Variants in FAP observed in about 807,000 individuals in gnomAD.
The protein encoded by FAP is fibroblast activation protein alpha, also known as prolyl endopeptidase FAP.
Under a neutral mutation model 126.5 loss-of-function variants are expected in FAP, and 110 were observed. The ratio of observed to expected loss-of-function variants is 0.87; its 90% CI spans 0.74 to 1.02. The LOEUF is 1.02. FAP is among the 50% of genes least tolerant of loss of function. The probability of loss-of-function intolerance (pLI) is 0.00; values close to 1 mark genes in which losing one functional copy is unlikely to be tolerated. For synonymous variants in FAP, 334 were observed against 297.3 expected (o/e 1.12, Z -1.27); for missense variants, 919 against 909.2 (o/e 1.01, Z -0.14).
intron 21 of FAP, among the ~76,000 whole-genome samples, chr2:162,179,588 G>A (rs774291621): frequency 2.6e-5 from 4 of 151,984 alleles, no homozygotes; most frequent in Non-Finnish European, 4.4e-5. Flanking sequence ...TCCTATAAGA[G>A]AAATGCAAAG....
chr2:162,193,037 T>C (rs1688110266), intron 17 of FAP, among the ~76,000 whole-genome samples: 1 of 152,136 alleles, frequency 6.6e-6, no homozygotes, highest in Admixed American at 6.6e-5. Context: ...GACAAGGACA[T>C]CGTCTAACCC....
chr2:162,185,074 C>T lies in FAP; in HGVS notation c.1815-1606G>A, dbSNP rs6760725. 1.3e-3 allele frequency among the ~76,000 whole-genome samples: 201 copies of T among 152,262 alleles called. 1 individual carries two copies. Among genetic ancestry groups the T allele is most frequent in the African/African-American group, 4.6e-3 (191 of 41,566 alleles). ...GATAATCTTAGCACTTCCAGACCAA[C>T]GAGGCACTATAAAATTCACCTTCAA... On this transcript the variant is annotated intron_variant, in intron 20 of 25. Transcript: ENST00000188790.
At chr2:162,226,294 A>G (rs1689642743) in intron 3 of FAP, among the ~76,000 whole-genome samples, 1 of 152,136 alleles carries the variant, frequency 6.6e-6, no homozygotes, top group Non-Finnish European at 1.5e-5. Context: ...TGCATTTTCA[A>G]CTTTTCCTTC....
intron 2 of FAP, among the ~76,000 whole-genome samples, chr2:162,235,705 T>G (rs1193733670): frequency 4.6e-5 from 7 of 152,192 alleles, no homozygotes. Flanking sequence ...TAAAGCAGGC[T>G]GCCTGAGCCA....
Position 162,225,469 on chromosome 2 carries a change from T to C in FAP, c.285+14A>G, listed in dbSNP as rs757373606. Reference sequence around the variant, plus strand: ...CAAAGGTTTCTGAGGGGGAAGATGATGTTGGATACATACCATGGTTCTATT... The same window carrying C: ...CAAAGGTTTCTGAGGGGGAAGATGACGTTGGATACATACCATGGTTCTATT... On this transcript the variant is annotated intron_variant, in intron 4 of 25. Transcript: ENST00000188790. The C allele has an allele frequency of 6.3e-6, 10 of 1,592,364 alleles. No individual in the cohort carries two copies. The Admixed American group carries it at 1.8e-4, about 28-fold the overall frequency.
intron 6 of FAP, among the ~76,000 whole-genome samples, chr2:162,221,072 G>A (rs1689368878): frequency 6.6e-6 from 1 of 152,166 alleles, no homozygotes; most frequent in Non-Finnish European, 1.5e-5. Flanking sequence ...GTGCCTGCAT[G>A]AGACCTAGCA....
intron 19 of FAP, 141 bp from the exon 20 acceptor site, chr2:162,188,504 AG>A: frequency 1.3e-6 from 1 of 755,410 alleles, no homozygotes; most frequent in East Asian, 2.7e-5. Context: ...CTCAAAATCA[AG>A]AGGAGTCCAG....
intron 21 of FAP, among the ~76,000 whole-genome samples, chr2:162,181,998 C>A (rs1687709697): frequency 6.6e-6 from 1 of 152,176 alleles, no homozygotes; most frequent in South Asian, 2.1e-4. Flanking sequence ...GAGTCGACCT[C>A]ACAGTCATTA....
chr2:162,173,829 A>T, intron 22 of FAP, 42 bp from the exon 23 acceptor site: 1 of 1,238,306 alleles, frequency 8.1e-7, no homozygotes, highest in African/African-American at 1.5e-5. Flanking sequence ...CATGTGATGA[A>T]TGTCATTTCA....
intron 20 of FAP, among the ~76,000 whole-genome samples, chr2:162,185,271 C>T (rs925368031): frequency 7.9e-5 from 12 of 152,142 alleles, no homozygotes; most frequent in South Asian, 4.1e-4. Flanking sequence ...GGAATCATAG[C>T]GATCAATTAT....
At chr2:162,214,185 T>G in intron 10 of FAP, 112 bp from the exon 11 acceptor site, 1 of 871,290 alleles carries the variant, frequency 1.1e-6, no homozygotes, top group Non-Finnish European at 1.6e-6. Flanking sequence ...CATTACTTAT[T>G]TAATAGGTAA....
chr2:162,179,787 T>A (rs9750135), intron 21 of FAP, among the ~76,000 whole-genome samples: 1,087 of 56,858 alleles, frequency 0.019, 17 homozygotes, highest in African/African-American at 0.05. Context: ...TCTATCTATC[T>A]ATCTATATAT....
In FAP at chr2:162,209,982, T is replaced by C; in HGVS notation, c.1017A>G (p.Ile339Met). The C allele has an allele frequency of 6.2e-7, 1 of 1,613,016 alleles. No individual in the cohort carries two copies. Residue 339 changes from isoleucine to methionine, a missense_variant, in exon 12 of 26, where the codon ATA (isoleucine) becomes ATG (methionine). Transcript: ENST00000188790. ...TWDCPKTQEH[I>M]EESRTGWAGG... Reference sequence around the variant, plus strand: ...CAGCCCATCCAGTTCTGCTTTCTTCTATATGCTCCTGGGTCTAAAAGACAA... The same window carrying C: ...CAGCCCATCCAGTTCTGCTTTCTTCCATATGCTCCTGGGTCTAAAAGACAA...
At chr2:162,204,773 G>A (rs760268556) in intron 12 of FAP, among the ~76,000 whole-genome samples, 3 of 152,132 alleles carry the variant, frequency 2.0e-5, no homozygotes, top group Non-Finnish European at 2.9e-5. Context: ...GCAGCCCTAG[G>A]AAACTAATAC....
In FAP at chr2:162,189,711, C is replaced by G; in HGVS notation, c.1494G>C (p.Leu498Phe). Residue 498 changes from leucine to phenylalanine, a missense_variant, in exon 18 of 26, where the codon TTG (leucine) becomes TTC (phenylalanine). Transcript: ENST00000188790. ...CCTCTTTAGGCAGCTGGATATTTTT[C>G]AAAGCATTTTCCAATTCCTTGTTTT... is the stretch of plus-strand genomic sequence containing the variant. ...LEENKELENA[L>F]KNIQLPKEEI... is the part of the protein sequence containing the mutation. The G allele has an allele frequency of 5.0e-6, 8 of 1,592,744 alleles. No homozygotes were observed. The highest frequency in any genetic ancestry group is 6.9e-6 in the Non-Finnish European group (8 of 1,167,350).
chr2:162,207,106 G>GT (rs1209003945), intron 12 of FAP, among the ~76,000 whole-genome samples: 5 of 152,202 alleles, frequency 3.3e-5, no homozygotes, highest in Admixed American at 6.5e-5. Flanking sequence ...CACATTTCTA[G>GT]TTTTTTCTGG....
intron 16 of FAP, among the ~76,000 whole-genome samples, chr2:162,195,864 C>G (rs115049402): frequency 0.014 from 2,110 of 152,192 alleles, 36 homozygotes; most frequent in South Asian, 0.053. Flanking sequence ...CCACCCCACC[C>G]CCCCCAGATA....
At chr2:162,235,714 C>G (rs1185301081) in intron 2 of FAP, among the ~76,000 whole-genome samples, 1 of 152,178 alleles carries the variant, frequency 6.6e-6, no homozygotes, top group Non-Finnish European at 1.5e-5. Flanking sequence ...CTGCCTGAGC[C>G]AGCAGTGGCA....
At chr2:162,187,993 CATAA>C (rs1398696203) in intron 20 of FAP, among the ~76,000 whole-genome samples, 172 bp downstream of exon 20, 1 of 152,018 alleles carries the variant, frequency 6.6e-6, no homozygotes, top group Non-Finnish European at 1.5e-5. Flanking sequence ...AGCTCTCTTC[CATAA>C]ATACTTTTTT....
Sources: allele counts gnomAD v4.1 joint callset (sites outside exome capture counted in the v4.1 genomes callset), GRCh38; gene constraint gnomAD v4.1.1; transcripts MANE v1.5; gene names NCBI Gene and HGNC (gene_info 2026-07-23, HGNC 2026-07-21).